NXPH1: variants seen among roughly 807,000 people sequenced by gnomAD.
NXPH1 encodes neurexophilin-1.
In NXPH1, 5 loss-of-function variants were observed where a neutral mutation model predicts 23.7. The observed-to-expected ratio is 0.21, with a 90% CI of 0.11 to 0.44. NXPH1 has a LOEUF of 0.44. Ranked by LOEUF, NXPH1 falls within the 20% of genes least tolerant of loss-of-function variation. The pLI is 0.99. For missense variants in NXPH1, 324 were observed against 321.6 expected, an observed-to-expected ratio of 1.01 and a Z score of -0.06; for synonymous variants, 144 against 122.2, an observed-to-expected ratio of 1.18 and a Z score of -1.18.
intron 2 of NXPH1, among the ~76,000 whole-genome samples, chr7:8,648,789 C>T (rs1052353079): frequency 1.3e-5 from 2 of 152,108 alleles, no homozygotes; most frequent in Non-Finnish European, 2.9e-5. Context: ...TATAATTTAT[C>T]AATTACTAAA....
intron 2 of NXPH1, among the ~76,000 whole-genome samples, chr7:8,641,170 T>C (rs144084493): frequency 1.7e-4 from 26 of 152,290 alleles, no homozygotes; most frequent in Non-Finnish European, 3.5e-4. Flanking sequence ...TATTCCTAAG[T>C]ATTTTATAAT....
intron 2 of NXPH1, among the ~76,000 whole-genome samples, chr7:8,453,209 TG>T (rs1816537158): frequency 6.6e-6 from 1 of 152,122 alleles, no homozygotes; most frequent in Admixed American, 6.6e-5. Context: ...GTATTTATAC[TG>T]TATTCAGAAA....
chr7:8,486,412 C>T (rs1312050512), intron 2 of NXPH1, among the ~76,000 whole-genome samples: 1 of 152,130 alleles, frequency 6.6e-6, no homozygotes, highest in Non-Finnish European at 1.5e-5. Flanking sequence ...AAAGGCTGGC[C>T]TATTGTTTTA....
At chr7:8,596,037 G>A (rs1414193898) in intron 2 of NXPH1, among the ~76,000 whole-genome samples, 5 of 152,030 alleles carry the variant, frequency 3.3e-5, no homozygotes, top group Non-Finnish European at 5.9e-5. Context: ...TGTCTATGAT[G>A]TACATGTCAC....
At chr7:8,731,681 A>G (rs1165075422) in intron 2 of NXPH1, among the ~76,000 whole-genome samples, 2 of 152,274 alleles carry the variant, frequency 1.3e-5, no homozygotes, top group East Asian at 1.9e-4. Flanking sequence ...AACCAGTTGA[A>G]GAGGAAGTCT....
At chr7:8,500,853 CAT>C (rs1218723764) in intron 2 of NXPH1, among the ~76,000 whole-genome samples, 1 of 152,068 alleles carries the variant, frequency 6.6e-6, no homozygotes, top group East Asian at 1.9e-4. Context: ...ATTTTTCAGA[CAT>C]GTGATCAATG....
In NXPH1 at chr7:8,435,961, C is replaced by T. The variant is rs1039787202; in HGVS notation, c.54+194C>T. Reference sequence around the variant, plus strand: ...CGGGGTTCCCACCCCATTTTCTGCTCCAATCCCCCAGTCTCCTGCGCGTGA... The same window carrying T: ...CGGGGTTCCCACCCCATTTTCTGCTTCAATCCCCCAGTCTCCTGCGCGTGA... On this transcript the variant is annotated intron_variant, in intron 2 of 2. Coordinates refer to ENST00000405863, the MANE Select transcript of NXPH1 (RefSeq NM_152745.3). This position sits in a 1 kb window ranked among gnomAD's most constrained non-coding sequence, Gnocchi z 5.9. 6.6e-6 allele frequency among the ~76,000 whole-genome samples: 1 copy of T among 152,162 alleles called. No individual in the cohort carries two copies. Among genetic ancestry groups the T allele is most frequent in the East Asian group, 1.9e-4 (1 of 5,184 alleles).
At chr7:8,593,398 C>T (rs562158548) in intron 2 of NXPH1, among the ~76,000 whole-genome samples, 1 of 151,934 alleles carries the variant, frequency 6.6e-6, no homozygotes, top group East Asian at 1.9e-4. Flanking sequence ...ATCCTGGATG[C>T]CATTTTCACA....
intron 2 of NXPH1, among the ~76,000 whole-genome samples, chr7:8,561,943 C>T (rs779126605): frequency 1.7e-4 from 26 of 151,756 alleles, no homozygotes; most frequent in Non-Finnish European, 7.4e-5. Flanking sequence ...TTTCGATATA[C>T]ATATACATAG....
At chr7:8,662,187 T>C (rs13307912) in intron 2 of NXPH1, among the ~76,000 whole-genome samples, 102,228 of 150,622 alleles carry the variant, frequency 0.68, 35,693 homozygotes, top group East Asian at 1. Flanking sequence ...TATATATATA[T>C]ATACACACAT....
intron 2 of NXPH1, among the ~76,000 whole-genome samples, chr7:8,603,422 T>G (rs1468302618): frequency 6.6e-6 from 1 of 152,156 alleles, no homozygotes; most frequent in Non-Finnish European, 1.5e-5. Context: ...TTGTTTTTGT[T>G]TTTTTGCTCA....
At chr7:8,564,883 G>A (rs1818512322) in intron 2 of NXPH1, among the ~76,000 whole-genome samples, 1 of 151,774 alleles carries the variant, frequency 6.6e-6, no homozygotes, top group Admixed American at 6.6e-5. Context: ...GGATGATTTT[G>A]CTGTATGTTT....
chr7:8,565,321 A>G (rs1818521565), intron 2 of NXPH1, among the ~76,000 whole-genome samples: 1 of 151,802 alleles, frequency 6.6e-6, no homozygotes, highest in African/African-American at 2.4e-5. Flanking sequence ...AGTTTGTCTT[A>G]TACCCATATT....
intron 2 of NXPH1, among the ~76,000 whole-genome samples, chr7:8,533,748 C>T (rs1817986670): frequency 6.6e-6 from 1 of 151,974 alleles, no homozygotes; most frequent in Admixed American, 6.6e-5. Flanking sequence ...GGCATTGGTC[C>T]CACGTTTCTT....
chr7:8,475,997 A>G (rs1212452424), intron 2 of NXPH1, among the ~76,000 whole-genome samples: 1 of 152,110 alleles, frequency 6.6e-6, no homozygotes, highest in Non-Finnish European at 1.5e-5. Context: ...TTTTAAGGCA[A>G]TGGGAGTGGA....
At chr7:8,669,058 G>A (rs1457361788) in intron 2 of NXPH1, among the ~76,000 whole-genome samples, 1 of 152,218 alleles carries the variant, frequency 6.6e-6, no homozygotes, top group Non-Finnish European at 1.5e-5. Flanking sequence ...GGTCCACAGG[G>A]ATGGTCCTGG....
intron 2 of NXPH1, among the ~76,000 whole-genome samples, chr7:8,568,517 G>A (rs1818587674): frequency 6.6e-6 from 1 of 151,644 alleles, no homozygotes; most frequent in Non-Finnish European, 1.5e-5. Context: ...TCTTTTCACA[G>A]CATTATGACC....
At chr7:8,492,550 G>A (rs564619340) in intron 2 of NXPH1, among the ~76,000 whole-genome samples, 1 of 151,782 alleles carries the variant, frequency 6.6e-6, no homozygotes, top group Admixed American at 6.6e-5. Flanking sequence ...GGACACAATG[G>A]TGAATAAAAC....
At chr7:8,649,354 C>T (rs908107934) in intron 2 of NXPH1, among the ~76,000 whole-genome samples, 5 of 151,810 alleles carry the variant, frequency 3.3e-5, no homozygotes, top group African/African-American at 4.8e-5. Flanking sequence ...TTTTGTTTTA[C>T]TTTTTCCATT....
Sources: allele counts gnomAD v4.1 joint callset (sites outside exome capture counted in the v4.1 genomes callset), GRCh38; gene constraint gnomAD v4.1.1; non-coding constraint Gnocchi (gnomAD v3.1); transcripts MANE v1.5; gene names NCBI Gene and HGNC (gene_info 2026-07-23, HGNC 2026-07-21).